The following SNED1 variants were observed in gnomAD, a reference collection of about 807,000 sequenced individuals.
The protein encoded by SNED1 is sushi, nidogen and EGF-like domain-containing protein 1.
Under a neutral mutation model 166.7 loss-of-function variants are expected in SNED1, and 81 were observed. The ratio of observed to expected loss-of-function variants is 0.49; its 90% CI spans 0.41 to 0.58. The LOEUF is 0.58. Among genes scored for constraint, SNED1 ranks in the 20% least tolerant of loss-of-function variants. The pLI, the probability that SNED1 is intolerant of heterozygous loss-of-function variation, is 0.00. For synonymous variants in SNED1, 762 were observed against 822.0 expected (o/e 0.93, Z 1.25); for missense variants, 1,604 against 2,000.2 (o/e 0.80, Z 3.78).
intron 27 of SNED1, among the ~76,000 whole-genome samples, chr2:241,078,382 C>CAAAAAAAAAAAA (rs60965517): frequency 8.6e-6 from 1 of 116,178 alleles, no homozygotes; most frequent in Non-Finnish European, 1.8e-5. Context: ...GACTCCGTCT[C>CAAAAAAAAAAAA]AAAAAAAAAA....
intron 2 of SNED1, among the ~76,000 whole-genome samples, chr2:241,032,774 G>A (rs1204924362): frequency 1.3e-5 from 2 of 152,132 alleles, no homozygotes; most frequent in East Asian, 1.9e-4. Context: ...TGCTGAATTT[G>A]TTCTAATATT....
intron 1 of SNED1, among the ~76,000 whole-genome samples, chr2:241,017,377 G>A (rs190453403): frequency 2.4e-4 from 37 of 152,352 alleles, no homozygotes; most frequent in Non-Finnish European, 3.5e-4. Context: ...AGGAGACGCC[G>A]TACACAGTGG....
Position 241,034,579 on chromosome 2 carries a change from C to A in SNED1, c.654C>A (p.Asn218Lys). 6.3e-7 allele frequency: 1 copy of A among 1,599,806 alleles called. No individual in the cohort carries two copies. Among genetic ancestry groups the A allele is most frequent in the Non-Finnish European group, 8.5e-7 (1 of 1,171,338 alleles). Residue 218 changes from asparagine to lysine, a missense_variant, in exon 4 of 32, where the codon AAC becomes AAA. Asn to Lys is a moderately conservative substitution (Grantham distance 94). This residue lies in a region of SNED1 where 1,237 missense variants were observed against 1,620.8 expected (regional missense o/e 0.76). Transcript: ENST00000310397. ...CACCCCACCCCCAGGCTGGCTTCAA[C>A]GCAGGCGATGGGCAGCGTTACTTCA... is the stretch of plus-strand genomic sequence containing the variant. ...LGGIAAQAGF[N>K]AGDGQRYFSI...
intron 8 of SNED1, among the ~76,000 whole-genome samples, chr2:241,047,321 A>G (rs1244338506): frequency 6.6e-6 from 1 of 152,222 alleles, no homozygotes; most frequent in Non-Finnish European, 1.5e-5. Flanking sequence ...AACTCTAGAT[A>G]TACTTGTACC....
Position 241,049,227 on chromosome 2 carries a change from C to T in SNED1, c.1618+92C>T, listed in dbSNP as rs995294035. The T allele has an allele frequency of 4.3e-6, 4 of 940,292 alleles. No individual in the cohort carries two copies. The African/African-American group carries it at 4.9e-5, about 11-fold the overall frequency. The allele number at this position is 940,292 out of a possible 1,614,324, so 58.2% of individuals were successfully genotyped here. On this transcript the variant is annotated intron_variant, in intron 11 of 31. Coordinates refer to ENST00000310397, the MANE Select transcript of SNED1 (RefSeq NM_001080437.3). The stretch of plus-strand genomic sequence containing the variant: ...ATGAGGCAGGCAGAGGCCAGAGTCC[C>T]TACTTCCCTTCTGACTCTCGGGAGA...
intron 27 of SNED1, among the ~76,000 whole-genome samples, chr2:241,076,938 G>T (rs2063051198): frequency 6.6e-6 from 1 of 152,176 alleles, no homozygotes; most frequent in Middle Eastern, 3.2e-3. Context: ...AATTAGCTGG[G>T]CATGGTGGCG....
intron 15 of SNED1, 139 bp from the exon 16 acceptor site, chr2:241,053,014 C>T (rs1161972079): frequency 1.8e-5 from 14 of 775,714 alleles, no homozygotes; most frequent in East Asian, 8.1e-5. Context: ...CCCCAGAAGT[C>T]GAGGCACCTT....
chr2:241,002,834 T>A (rs36034714), intron 1 of SNED1, among the ~76,000 whole-genome samples: 43,072 of 151,612 alleles, frequency 0.28, 6,387 homozygotes, highest in East Asian at 0.53. Context: ...CGCCCACCCA[T>A]CTCCATGAAT....
intron 27 of SNED1, among the ~76,000 whole-genome samples, chr2:241,079,918 G>GA (rs1457333455): frequency 6.6e-6 from 1 of 152,140 alleles, no homozygotes; most frequent in Non-Finnish European, 1.5e-5. Flanking sequence ...GTAGGATAAA[G>GA]AAAATAATTG....
rs1216880815 is a variant in SNED1, at chr2:241,069,796, C to G, written c.3308-124C>G. 8.8e-7 allele frequency: 1 copy of G among 1,141,916 alleles called. No homozygotes were observed. Among genetic ancestry groups the G allele is most frequent in the East Asian group, 2.4e-5 (1 of 41,196 alleles). 70.7% of individuals were successfully genotyped at this position (1,141,916 alleles called of 1,614,324 possible). A position where few individuals can be genotyped will look rare whatever the true frequency, so the allele number is the denominator to read the frequency against. ...CACCCCGCCTCGGCACTGTACCATT[C>G]TCCATAATAAAGAATCTGGCTTCCA... On this transcript the variant is annotated intron_variant, in intron 23 of 31. Transcript: ENST00000310397. This position sits in a 1 kb window ranked among gnomAD's most constrained non-coding sequence, Gnocchi z 4.9.
intron 8 of SNED1, among the ~76,000 whole-genome samples, chr2:241,047,768 C>G (rs1184684402): frequency 6.6e-6 from 1 of 151,860 alleles, no homozygotes. Flanking sequence ...GCTTCTTGTT[C>G]TATCCAATCC....
intron 27 of SNED1, among the ~76,000 whole-genome samples, chr2:241,079,657 TAAA>T (rs992229175): frequency 2.4e-4 from 36 of 152,038 alleles, no homozygotes; most frequent in African/African-American, 8.7e-4. Context: ...TTAAAAACAA[TAAA>T]AAGAAAAGGC....
Position 241,070,141 on chromosome 2 carries a change from G to C in SNED1, c.3529G>C (p.Val1177Leu). 1 of 1,611,576 alleles carries C rather than the reference G, an allele frequency of 6.2e-7. No individual in the cohort carries two copies. Among genetic ancestry groups the C allele is most frequent in the Non-Finnish European group, 8.5e-7 (1 of 1,179,628 alleles). ...GCGGTACCAGCTCTCTGTGATAGCA[G>C]TGCAGAGCACGGAGCTCGGGCCGCA... ...GRRYQLSVIA[V>L]QSTELGPQHS... Residue 1177 changes from valine (V) to leucine (L), a missense_variant, in exon 24 of 32, where the codon GTG (valine) becomes CTG (leucine). By Grantham distance (32) the Val-to-Leu change is conservative. Transcript: ENST00000310397.
intron 29 of SNED1, 82 bp downstream of exon 29, chr2:241,082,446 C>A: frequency 1.9e-6 from 2 of 1,073,358 alleles, no homozygotes; most frequent in South Asian, 1.4e-5. Context: ...AGCTACCCAG[C>A]TAACCCTGAG....
chr2:241,049,855 G>A lies in SNED1; in HGVS notation c.1657G>A (p.Gly553Arg), dbSNP rs1332773529. 1.9e-6 allele frequency: 3 copies of A among 1,613,826 alleles called. No homozygotes were observed. Among genetic ancestry groups the A allele is most frequent in the Non-Finnish European group, 8.5e-7 (1 of 1,179,766 alleles). The change falls in exon 12 of 32, where the codon GGA becomes AGA. Residue 553 changes from glycine to arginine, a missense_variant. Physicochemically the swap from Gly to Arg is moderately radical, Grantham distance 125. Transcript: ENST00000310397. ...CTGCGACTCGGACCCCTGCTTCAAC[G>A]GAGGCTCCTGCGATGCCCATGACGA... ...SPCDSDPCFN[G>R]GSCDAHDDSY...
At chr2:241,062,265 G>A (rs1002799004) in intron 16 of SNED1, among the ~76,000 whole-genome samples, 1 of 152,054 alleles carries the variant, frequency 6.6e-6, no homozygotes, top group Non-Finnish European at 1.5e-5. Flanking sequence ...TGGCTGCCGG[G>A]GTGGCTGCTA....
chr2:241,026,312 A>C (rs1227860978), intron 1 of SNED1, among the ~76,000 whole-genome samples: 1 of 152,130 alleles, frequency 6.6e-6, no homozygotes, highest in Non-Finnish European at 1.5e-5. Flanking sequence ...CACTGCGCCC[A>C]GCCTGTTTTT....
rs965612696 is a variant in SNED1 at position 241,065,660 on chromosome 2, G to A, written c.3010+65G>A. The A allele has an allele frequency of 3.4e-5, 47 of 1,394,678 alleles. No homozygotes were observed. The East Asian group carries it at 4.3e-4, about 13-fold the overall frequency. The allele number at this position is 1,394,678 out of a possible 1,614,324, so 86.4% of individuals were successfully genotyped here. On this transcript the variant is annotated intron_variant, in intron 21 of 31. Transcript: ENST00000310397. ...GCCCCTCGAGGGCAGCGCTGGCCCC[G>A]GCACCTGCAGGGCGGCTGTCATGCC... is the stretch of plus-strand genomic sequence containing the variant.
chr2:241,018,528 C>T lies in SNED1; in HGVS notation c.214-11756C>T, dbSNP rs2060670607. ...GTCCCTGGTCAGGAGCCGGGACTGG[C>T]GTTCTCTCTCTTCAGCCAGGAAGCC... On this transcript the variant is annotated intron_variant, in intron 1 of 31. Transcript: ENST00000310397. This position sits in a 1 kb window ranked among gnomAD's most constrained non-coding sequence, Gnocchi z 5.4. Among the ~76,000 whole-genome samples, 2 of 152,298 alleles carry T rather than the reference C, an allele frequency of 1.3e-5. No homozygotes were observed. The highest frequency in any genetic ancestry group is 3.9e-4 in the East Asian group (2 of 5,176).
Sources: gnomAD v4.1 joint callset for allele counts (sites outside exome capture counted in the v4.1 genomes callset) on GRCh38, gnomAD v4.1.1 for gene constraint, gnomAD v4.1.1 regional missense constraint, Gnocchi (gnomAD v3.1) non-coding constraint, MANE v1.5 for transcripts, NCBI Gene and HGNC (gene_info 2026-07-23, HGNC 2026-07-21) for gene names.